Variants in OCA2 observed in about 807,000 individuals in gnomAD.
OCA2 encodes P protein.
Under a neutral mutation model 100.2 loss-of-function variants are expected in OCA2, and 77 were observed. The ratio of observed to expected loss-of-function variants is 0.77; its 90% CI spans 0.64 to 0.93. OCA2 has a LOEUF of 0.93. Ranked by LOEUF, OCA2 falls within the 40% of genes least tolerant of loss-of-function variation. OCA2 has a pLI of 0.00. For synonymous variants in OCA2, 432 were observed against 439.2 expected, an observed-to-expected ratio of 0.98 and a Z score of 0.21; for missense variants, 1,062 against 1,089.1, an observed-to-expected ratio of 0.98 and a Z score of 0.35.
chr15:27,962,577 G>T (rs968763121), intron 15 of OCA2, among the ~76,000 whole-genome samples: 4 of 152,146 alleles, frequency 2.6e-5, no homozygotes, highest in Admixed American at 6.5e-5. Context: ...CTAGTGTTAA[G>T]TTCTTCTACT....
chr15:28,069,389 TCCCCCTCCCCCTCCCCTTCC>T (rs1566862453), intron 2 of OCA2, among the ~76,000 whole-genome samples: 18 of 5,630 alleles, frequency 3.2e-3, no homozygotes, highest in South Asian at 0.015. Flanking sequence ...TCCCTCCCCC[TCCCCCTCCCCCTCCCCTTCC>T]CCCTCCCCCT....
At chr15:27,733,488 C>T in the OCA2 span, among the ~76,000 whole-genome samples, 65,408 of 151,968 alleles carry the variant, frequency 0.43, 15,447 homozygotes, top group Non-Finnish European at 0.53. Flanking sequence ...CTCATGGCCT[C>T]ATGTTGCCCA....
chr15:27,971,719 G>A (rs1328149440), intron 14 of OCA2, among the ~76,000 whole-genome samples: 4 of 152,142 alleles, frequency 2.6e-5, no homozygotes, highest in African/African-American at 4.8e-5. Context: ...CCCAATGCTC[G>A]GAAAATGTGG....
chr15:27,944,261 C>T (rs2039756163), intron 18 of OCA2, among the ~76,000 whole-genome samples: 1 of 152,158 alleles, frequency 6.6e-6, no homozygotes, highest in Non-Finnish European at 1.5e-5. Flanking sequence ...CTGATCTATC[C>T]AATCCCCTTC....
At chr15:27,954,301 G>A (rs1027705020) in intron 17 of OCA2, among the ~76,000 whole-genome samples, 2 of 152,160 alleles carry the variant, frequency 1.3e-5, no homozygotes, top group Non-Finnish European at 2.9e-5. Context: ...AAACACCACA[G>A]TCTAGCAAGG....
intron 2 of OCA2, among the ~76,000 whole-genome samples, chr15:28,037,842 C>T (rs992716614): frequency 6.6e-6 from 1 of 152,190 alleles, no homozygotes; most frequent in Admixed American, 6.5e-5. Flanking sequence ...GAAGGCAACA[C>T]ATCCCAGCCT....
intron 21 of OCA2, among the ~76,000 whole-genome samples, chr15:27,854,295 A>C (rs2035872293): frequency 1.3e-5 from 2 of 152,168 alleles, no homozygotes; most frequent in Non-Finnish European, 2.9e-5. Flanking sequence ...GCCCAGCCCC[A>C]GCGGAGTCCA....
At chr15:28,004,333 T>G (rs1338317756) in intron 9 of OCA2, among the ~76,000 whole-genome samples, 1 of 152,188 alleles carries the variant, frequency 6.6e-6, no homozygotes, top group Non-Finnish European at 1.5e-5. Context: ...CACTCTTGCC[T>G]GCCACCCAGC....
intron 23 of OCA2, among the ~76,000 whole-genome samples, chr15:27,806,474 C>T (rs1330866452): frequency 6.6e-6 from 1 of 152,140 alleles, no homozygotes; most frequent in African/African-American, 2.4e-5. Context: ...GGTGGCACCC[C>T]GGCTCCGCTC....
At chr15:27,719,477 A>G in the OCA2 span, among the ~76,000 whole-genome samples, 1 of 152,218 alleles carries the variant, frequency 6.6e-6, no homozygotes, top group Non-Finnish European at 1.5e-5. Context: ...GGGGGGGACC[A>G]CAATTCAGTG....
chr15:27,928,348 T>C (rs1410761021), intron 18 of OCA2, among the ~76,000 whole-genome samples: 1 of 152,140 alleles, frequency 6.6e-6, no homozygotes, highest in African/African-American at 2.4e-5. Context: ...CCAATCTGAA[T>C]AGAGCAAGTG....
At chr15:28,034,080 GC>G (rs1224060086) in intron 2 of OCA2, among the ~76,000 whole-genome samples, 1 of 152,076 alleles carries the variant, frequency 6.6e-6, no homozygotes, top group African/African-American at 2.4e-5. Flanking sequence ...GGCCATGAGT[GC>G]AAGACAAGCC....
chr15:28,050,186 G>A (rs1035666399), intron 2 of OCA2, among the ~76,000 whole-genome samples: 1 of 152,176 alleles, frequency 6.6e-6, no homozygotes, highest in African/African-American at 2.4e-5. Context: ...TCAGGAGGGT[G>A]AGGTGGGAGG....
At chr15:27,964,593 G>T (rs1405860124) in intron 15 of OCA2, among the ~76,000 whole-genome samples, 1 of 152,190 alleles carries the variant, frequency 6.6e-6, no homozygotes, top group Non-Finnish European at 1.5e-5. Context: ...ATTGGGGAGG[G>T]GGCGGGGGGT....
chr15:28,049,037 G>A (rs1234751922), intron 2 of OCA2, among the ~76,000 whole-genome samples: 1 of 152,096 alleles, frequency 6.6e-6, no homozygotes, highest in Non-Finnish European at 1.5e-5. Context: ...TCAAGAAAGT[G>A]AAACGACAAC....
At chr15:27,882,471 T>A (rs528640191) in intron 19 of OCA2, among the ~76,000 whole-genome samples, 237 of 152,338 alleles carry the variant, frequency 1.6e-3, no homozygotes, top group Non-Finnish European at 2.0e-3. Context: ...TGCATTTTCT[T>A]TACCTCATTG....
At position 27,790,787 on chromosome 15, in the gene OCA2, A is replaced by ATT. The variant is rs35991529; in HGVS notation, c.2433-35317_2433-35316dup. Among the ~76,000 whole-genome samples the ATT allele has an allele frequency of 4.5e-3, 630 of 141,134 alleles. 1 individual carries two copies. Among genetic ancestry groups the ATT allele is most frequent in the African/African-American group, 9.8e-3 (372 of 37,954 alleles). 92.6% of individuals were successfully genotyped at this position (141,134 alleles called of 152,430 possible). ...TTCAATTATACCTCAATTACCCTGA[A>ATT]TTTTTTTTTTTTTTTTTGAGACAGG... On this transcript the variant is annotated intron_variant, in intron 23 of 23. Transcript: ENST00000354638.
rs1182516404 is a variant in OCA2 at position 28,081,702 on chromosome 15, T to C, written c.173A>G (p.Gln58Arg). The C allele has an allele frequency of 6.2e-7, 1 of 1,613,850 alleles. No individual in the cohort carries two copies. The highest frequency in any genetic ancestry group is 2.2e-5 in the East Asian group (1 of 44,876). ...SHSCPRGAAG[Q>R]SSWAPAGQEF... ...CTGGCCTGCAGGAGCCCAAGAGCTC[T>C]GCCCGGCAGCCCCCCTGGGGCAGGA... Residue 58 changes from glutamine to arginine, a missense_variant, in exon 2 of 24, where the codon CAG becomes CGG. By Grantham distance (43) the Gln-to-Arg change is conservative. Coordinates refer to ENST00000354638, the MANE Select transcript of OCA2 (RefSeq NM_000275.3).
At chr15:27,995,692 A>G (rs889427572) in intron 9 of OCA2, among the ~76,000 whole-genome samples, 2 of 152,166 alleles carry the variant, frequency 1.3e-5, no homozygotes, top group African/African-American at 2.4e-5. Flanking sequence ...GCTTGAACTT[A>G]ACAAATTTTA....
Sources: gnomAD v4.1 joint callset for allele counts (sites outside exome capture counted in the v4.1 genomes callset) on GRCh38, gnomAD v4.1.1 for gene constraint, MANE v1.5 for transcripts, NCBI Gene and HGNC (gene_info 2026-07-23, HGNC 2026-07-21) for gene names.